Variants in FBXL13 observed in about 807,000 individuals in gnomAD.
The protein encoded by FBXL13 is F-box and leucine-rich repeat protein 13.
FBXL13 carries 67 observed loss-of-function variants against 83.6 expected under a neutral mutation model. The observed-to-expected ratio is 0.80, with a 90% CI of 0.66 to 0.98. The LOEUF is 0.98. Ranked by LOEUF, FBXL13 falls within the 50% of genes least tolerant of loss-of-function variation. The pLI is 0.00. For missense variants in FBXL13, 822 were observed against 866.5 expected (o/e 0.95, Z 0.64); for synonymous variants, 272 against 299.5 (o/e 0.91, Z 0.95).
At chr7:102,822,145 T>C in exon 19 of FBXL13, 1 of 1,614,198 alleles carries the variant, frequency 6.2e-7, no homozygotes, top group Non-Finnish European at 8.5e-7. Flanking sequence ...ACCAGAGATA[T>C]CCAAAATGTG....
chr7:102,989,225 G>T (rs1235346046), intron 6 of FBXL13, among the ~76,000 whole-genome samples: 1 of 152,196 alleles, frequency 6.6e-6, no homozygotes, highest in Non-Finnish European at 1.5e-5. Context: ...TCTTCCTTGT[G>T]AATGCAGAAG....
intron 16 of FBXL13, among the ~76,000 whole-genome samples, chr7:102,856,124 A>G (rs1475289339): frequency 1.3e-5 from 2 of 152,082 alleles, no homozygotes; most frequent in African/African-American, 4.8e-5. Flanking sequence ...TTTTTCTTCT[A>G]TGCAACCTCA....
intron 11 of FBXL13, among the ~76,000 whole-genome samples, chr7:102,893,786 A>AAAGAAAGG (rs1323218826): frequency 3.4e-5 from 5 of 146,884 alleles, no homozygotes; most frequent in Non-Finnish European, 6.0e-5. Flanking sequence ...AAAAAAAAAG[A>AAAGAAAGG]AAGAAAGGAG....
intron 17 of FBXL13, among the ~76,000 whole-genome samples, chr7:102,839,613 A>G (rs1223387767): frequency 6.6e-6 from 1 of 151,966 alleles, no homozygotes; most frequent in East Asian, 1.9e-4. Context: ...ACGCCCAGCT[A>G]ATTTTTGTAT....
chr7:102,956,819 A>C (rs1246485967), intron 8 of FBXL13, among the ~76,000 whole-genome samples: 2 of 152,200 alleles, frequency 1.3e-5, no homozygotes, highest in Non-Finnish European at 2.9e-5. Flanking sequence ...TAGGAATACA[A>C]CTTACAAGGG....
At chr7:103,046,435 G>T (rs1796285440) in intron 2 of FBXL13, among the ~76,000 whole-genome samples, 1 of 152,208 alleles carries the variant, frequency 6.6e-6, no homozygotes, top group African/African-American at 2.4e-5. Flanking sequence ...CCTTCTAGAA[G>T]AGTGAAGGCC....
chr7:103,060,025 T>TATAC lies in FBXL13; in HGVS notation c.-104-4279_-104-4278insGTAT, dbSNP rs1264087809. 7.4e-4 allele frequency among the ~76,000 whole-genome samples: 53 copies of TATAC among 71,172 alleles called. 1 individual carries two copies. Among genetic ancestry groups the TATAC allele is most frequent in the Admixed American group, 6.4e-3 (49 of 7,600 alleles). The allele number at this position is 71,172 out of a possible 152,430, so 46.7% of individuals were successfully genotyped here. A position where few individuals can be genotyped will look rare whatever the true frequency, so the allele number is the denominator to read the frequency against. ...GATAATGATAGCAAGATATTTTATATATATATATATATATATATATATATA... is the reference window on the plus strand; with the variant it reads ...GATAATGATAGCAAGATATTTTATATATACATATATATATATATATATATATATA... On this transcript the variant is annotated intron_variant, in intron 1 of 19. Transcript: ENST00000313221.
chr7:102,817,180 TA>T (rs1798131772), intron 19 of FBXL13, among the ~76,000 whole-genome samples: 1 of 152,222 alleles, frequency 6.6e-6, no homozygotes, highest in Admixed American at 6.5e-5. Flanking sequence ...GAGAAGTTTT[TA>T]TACTGCTTTC....
chr7:102,825,785 T>C (rs1158826520), intron 18 of FBXL13, among the ~76,000 whole-genome samples: 2 of 152,258 alleles, frequency 1.3e-5, no homozygotes, highest in Non-Finnish European at 2.9e-5. Context: ...ATTTCTTTCT[T>C]ATGTTGGATC....
In FBXL13 at chr7:102,998,664, G is replaced by A. The variant is rs565276419; in HGVS notation, c.495+26399C>T. ...AACAGTTTTTTGGTGGAGTCTTTAC[G>A]TTTTTCTAAATATAATATTAGGTTG... On this transcript the variant is annotated intron_variant, in intron 6 of 19. Transcript: ENST00000313221. Among the ~76,000 whole-genome samples the A allele has an allele frequency of 5.9e-4, 89 of 151,906 alleles. 2 individuals are homozygous for A. The highest frequency in any genetic ancestry group is 3.9e-3 in the East Asian group (20 of 5,170).
chr7:102,931,829 T>C, intron 9 of FBXL13, 52 bp downstream of exon 10: 9 of 1,545,014 alleles, frequency 5.8e-6, no homozygotes, highest in African/African-American at 1.4e-5. Flanking sequence ...GGCACCCCAA[T>C]GTAGCAAGTC....
Position 102,962,846 on chromosome 7 carries a change from G to A in FBXL13, c.724+687C>T, listed in dbSNP as rs181088612. On this transcript the variant is annotated intron_variant, in intron 8 of 19. Coordinates refer to ENST00000313221, the Ensembl canonical transcript of FBXL13. The stretch of plus-strand genomic sequence containing the variant: ...GGGGACTGTTGTGGGGTGGGGGGAA[G>A]GGGGAGGGATAGCATCGGGAGACAT... 6.4e-4 allele frequency among the ~76,000 whole-genome samples: 92 copies of A among 144,178 alleles called. 1 individual carries two copies. The highest frequency in any genetic ancestry group is 2.2e-3 in the African/African-American group (86 of 38,640). The allele number at this position is 144,178 out of a possible 152,430, so 94.6% of individuals were successfully genotyped here. A position where few individuals can be genotyped will look rare whatever the true frequency, so the allele number is the denominator to read the frequency against.
intron 8 of FBXL13, among the ~76,000 whole-genome samples, chr7:102,945,263 C>T (rs1034321367): frequency 6.6e-6 from 1 of 152,168 alleles, no homozygotes; most frequent in Non-Finnish European, 1.5e-5. Flanking sequence ...CCCTGAATAA[C>T]AGCTGTAGAT....
chr7:102,861,982 CAAA>C (rs59375342), intron 16 of FBXL13, among the ~76,000 whole-genome samples: 2 of 120,046 alleles, frequency 1.7e-5, no homozygotes, highest in Non-Finnish European at 1.8e-5. Context: ...ACTGTGTCTC[CAAA>C]AAAAAAAAAA....
intron 6 of FBXL13, among the ~76,000 whole-genome samples, chr7:102,977,858 AAC>A (rs535254259): frequency 2.8e-4 from 42 of 152,312 alleles, no homozygotes; most frequent in Non-Finnish European, 4.9e-4. Flanking sequence ...ACAAAAACCA[AAC>A]ACTGCATATT....
chr7:102,996,972 T>C (rs538590292), intron 6 of FBXL13, among the ~76,000 whole-genome samples: 2 of 152,210 alleles, frequency 1.3e-5, no homozygotes, highest in Non-Finnish European at 2.9e-5. Context: ...TATTGATAGT[T>C]GAAGACAGTG....
At chr7:102,812,729 C>T (rs1020828536), downstream of FBXL13, among the ~76,000 whole-genome samples, 1 of 151,734 alleles carries the variant, frequency 6.6e-6, no homozygotes, top group African/African-American at 2.4e-5. Context: ...TCAAAAAAGT[C>T]TCATCTCTCA....
At chr7:102,845,269 A>C (rs1803732485) in intron 17 of FBXL13, among the ~76,000 whole-genome samples, 1 of 152,180 alleles carries the variant, frequency 6.6e-6, no homozygotes, top group East Asian at 1.9e-4. Flanking sequence ...AACAGAAGAT[A>C]CACCCAGGAA....
At chr7:102,848,862 T>C (rs182202161) in intron 17 of FBXL13, among the ~76,000 whole-genome samples, 243 of 152,028 alleles carry the variant, frequency 1.6e-3, no homozygotes, top group African/African-American at 5.1e-3. Context: ...TAGCCAGGCA[T>C]GATGGTGCAT....
Sources: gnomAD v4.1 joint callset for allele counts (sites outside exome capture counted in the v4.1 genomes callset) on GRCh38, gnomAD v4.1.1 for gene constraint, MANE v1.5 for transcripts, NCBI Gene and HGNC (gene_info 2026-07-23, HGNC 2026-07-21) for gene names.